CNTN4: variants seen among roughly 807,000 people sequenced by gnomAD.
The protein encoded by CNTN4 is contactin-4.
In CNTN4, 77 loss-of-function variants were observed where a neutral mutation model predicts 122.5. The observed-to-expected ratio is 0.63, with a 90% confidence interval of 0.52 to 0.76. The LOEUF is 0.76. CNTN4 is among the 30% of genes least tolerant of loss of function. CNTN4 has a pLI of 0.00. For missense variants in CNTN4, 1,256 were observed against 1,259.1 expected, an observed-to-expected ratio of 1.00 and a Z score of 0.04; for synonymous variants, 512 against 447.0, an observed-to-expected ratio of 1.15 and a Z score of -1.83.
At chr3:2,867,723 G>GCT (rs1275182012) in intron 8 of CNTN4, among the ~76,000 whole-genome samples, 3 of 151,708 alleles carry the variant, frequency 2.0e-5, no homozygotes, top group Admixed American at 1.3e-4. Flanking sequence ...ATCTCTGCTT[G>GCT]CTCACCCTGC....
At chr3:2,540,558 A>T (rs2077992480) in intron 3 of CNTN4, among the ~76,000 whole-genome samples, 1 of 152,032 alleles carries the variant, frequency 6.6e-6, no homozygotes. Flanking sequence ...ATTTTATTTT[A>T]AAAAGTAGTA....
chr3:2,581,663 C>G (rs17622096), intron 4 of CNTN4, among the ~76,000 whole-genome samples: 21,143 of 151,946 alleles, frequency 0.14, 1,811 homozygotes, highest in Middle Eastern at 0.2. Context: ...AGAGAACCTG[C>G]AAATTGCATT....
intron 13 of CNTN4, among the ~76,000 whole-genome samples, chr3:2,950,383 C>T (rs900350936): frequency 6.6e-5 from 10 of 152,170 alleles, no homozygotes; most frequent in Non-Finnish European, 1.0e-4. Flanking sequence ...GGACAATGGG[C>T]CTGAACCTGC....
intron 3 of CNTN4, among the ~76,000 whole-genome samples, chr3:2,386,024 T>C (rs2046243982): frequency 6.6e-6 from 1 of 152,120 alleles, no homozygotes; most frequent in African/African-American, 2.4e-5. Flanking sequence ...TACGTCTTAC[T>C]ATACCTTGCA....
At chr3:2,373,743 C>T (rs1235398105) in intron 3 of CNTN4, among the ~76,000 whole-genome samples, 2 of 152,074 alleles carry the variant, frequency 1.3e-5, no homozygotes, top group Non-Finnish European at 2.9e-5. Context: ...CATATTTGGA[C>T]AGATAGATAC....
chr3:2,445,008 A>G (rs1443895831), intron 3 of CNTN4, among the ~76,000 whole-genome samples: 2 of 151,466 alleles, frequency 1.3e-5, no homozygotes, highest in Non-Finnish European at 2.9e-5. Context: ...GTAAAAAAAA[A>G]AAAAATCTAT....
At chr3:2,826,066 G>A (rs574813159) in intron 7 of CNTN4, among the ~76,000 whole-genome samples, 22 of 152,112 alleles carry the variant, frequency 1.4e-4, no homozygotes, top group Admixed American at 5.2e-4. Context: ...CATAGATAAG[G>A]AAATAGAAGC....
At chr3:2,750,752 T>A (rs1347206932) in intron 6 of CNTN4, among the ~76,000 whole-genome samples, 2 of 152,158 alleles carry the variant, frequency 1.3e-5, no homozygotes, top group Admixed American at 6.5e-5. Flanking sequence ...ATTGACTAGA[T>A]CCTCTGTGCC....
At chr3:2,250,244 A>T (rs965169955) in intron 2 of CNTN4, among the ~76,000 whole-genome samples, 6 of 151,968 alleles carry the variant, frequency 3.9e-5, no homozygotes, top group Non-Finnish European at 8.8e-5. Flanking sequence ...ACTAGAGAAG[A>T]AGAGATTCTA....
chr3:2,529,705 ACT>A (rs2077527910), intron 3 of CNTN4, among the ~76,000 whole-genome samples: 1 of 150,708 alleles, frequency 6.6e-6, no homozygotes, highest in Non-Finnish European at 1.5e-5. Flanking sequence ...AACTATTCAC[ACT>A]CTGTTTAGCT....
intron 2 of CNTN4, among the ~76,000 whole-genome samples, chr3:2,318,716 T>TCCAC (rs1553623061): frequency 6.6e-6 from 1 of 152,186 alleles, no homozygotes; most frequent in Non-Finnish European, 1.5e-5. Flanking sequence ...TGGAGCTCAC[T>TCCAC]CCACCCTCCA....
chr3:2,185,618 G>A (rs1341187048), intron 2 of CNTN4, among the ~76,000 whole-genome samples: 1 of 152,122 alleles, frequency 6.6e-6, no homozygotes, highest in African/African-American at 2.4e-5. Context: ...CACTTCAGTT[G>A]TACAATCATG....
intron 12 of CNTN4, among the ~76,000 whole-genome samples, chr3:2,906,009 AG>A (rs2094227307): frequency 6.6e-6 from 1 of 152,250 alleles, no homozygotes; most frequent in African/African-American, 2.4e-5. Context: ...GTAGCCATAA[AG>A]AAAAGGAGAA....
At chr3:2,297,310 CA>C (rs1217355906) in intron 2 of CNTN4, among the ~76,000 whole-genome samples, 4 of 152,150 alleles carry the variant, frequency 2.6e-5, no homozygotes, top group Admixed American at 1.3e-4. Flanking sequence ...AAATTTTCAT[CA>C]GAAGGAAATC....
chr3:2,917,288 A>G (rs1284934915), intron 12 of CNTN4, among the ~76,000 whole-genome samples: 2 of 151,938 alleles, frequency 1.3e-5, no homozygotes, highest in Admixed American at 1.3e-4. Context: ...AGACCGTGGA[A>G]AGCGGGAGGC....
intron 2 of CNTN4, among the ~76,000 whole-genome samples, chr3:2,226,705 ACTTT>A (rs1364730570): frequency 1.3e-5 from 2 of 152,084 alleles, no homozygotes; most frequent in South Asian, 2.1e-4. Context: ...GTTTATTAAA[ACTTT>A]CTTTCTCACT....
At chr3:3,037,625 CAG>C in intron 18 of CNTN4, 1 of 406,998 alleles carries the variant, frequency 2.5e-6, no homozygotes, top group Non-Finnish European at 4.6e-6. Context: ...AAGATTCTAA[CAG>C]AATTTCAAAA....
chr3:2,287,676 GAAGAA>G (rs1559415540), intron 2 of CNTN4, among the ~76,000 whole-genome samples: 6 of 92,130 alleles, frequency 6.5e-5, no homozygotes, highest in South Asian at 8.0e-4. Context: ...AGAAGAAGAA[GAAGAA>G]GAAGAAGAAG....
chr3:2,449,486 AC>A (rs2048745259), intron 3 of CNTN4, among the ~76,000 whole-genome samples: 1 of 151,844 alleles, frequency 6.6e-6, no homozygotes, highest in Non-Finnish European at 1.5e-5. Flanking sequence ...GTGGTGATGC[AC>A]CCCTGTTATC....
Sources: gnomAD v4.1 joint callset for allele counts (sites outside exome capture counted in the v4.1 genomes callset) on GRCh38, gnomAD v4.1.1 for gene constraint, MANE v1.5 for transcripts, NCBI Gene and HGNC (gene_info 2026-07-23, HGNC 2026-07-21) for gene names.